PTPRN2: variants seen among roughly 807,000 people sequenced by gnomAD.
PTPRN2 encodes the protein protein tyrosine phosphatase receptor type N2, also known as receptor-type tyrosine-protein phosphatase N2.
A neutral mutation model predicts 118.8 loss-of-function variants in PTPRN2; 74 were observed. The ratio of observed to expected loss-of-function variants is 0.62; its 90% CI spans 0.52 to 0.76. PTPRN2 has a LOEUF of 0.76. PTPRN2 is among the 30% of genes least tolerant of loss of function. The pLI is 0.00. For synonymous variants in PTPRN2, 641 were observed against 608.0 expected (o/e 1.05, Z -0.80); for missense variants, 1,481 against 1,394.4 (o/e 1.06, Z -0.99).
intron 12 of PTPRN2, among the ~76,000 whole-genome samples, chr7:157,896,568 C>T (rs548145135): frequency 3.0e-5 from 4 of 134,630 alleles, no homozygotes; most frequent in East Asian, 2.3e-4. Flanking sequence ...CCCATGCTCA[C>T]GTGTGCGTGG....
At chr7:158,235,179 A>G (rs539389131) in intron 3 of PTPRN2, among the ~76,000 whole-genome samples, 2 of 152,354 alleles carry the variant, frequency 1.3e-5, no homozygotes, top group East Asian at 3.9e-4. Context: ...AGAGAATAGT[A>G]TGGAGGTTGC....
At position 158,517,167 on chromosome 7, in the gene PTPRN2, T is replaced by A. The variant is rs376124443; in HGVS notation, c.113-27382A>T. ...CAACGCTGGTTCCACAGTGTGGTCC[T>A]CACTGAAGACAGGGCGGGTGGCATT... On this transcript the variant is annotated intron_variant, in intron 1 of 22. Coordinates refer to ENST00000389418, the MANE Select transcript of PTPRN2 (RefSeq NM_002847.5). The surrounding 1 kb of genome is among the most constrained non-coding windows in gnomAD (Gnocchi z 5.3). Among the ~76,000 whole-genome samples the A allele has an allele frequency of 6.6e-6, 1 of 152,226 alleles. No homozygotes were observed. The highest frequency in any genetic ancestry group is 1.9e-4 in the East Asian group (1 of 5,194).
rs772582448 is a variant in PTPRN2 at position 158,138,466 on chromosome 7, C to T, written c.960G>A (p.Glu320=). The change falls in exon 7 of 23, where the codon GAG becomes GAA. Residue 320 remains glutamate, a synonymous_variant. Coordinates refer to ENST00000389418, the MANE Select transcript of PTPRN2 (RefSeq NM_002847.5). ...GCTCCAGGCCACTCAGGCCCCTCAC[C>T]TCAGCCGGCTGCCTCTGCAGGTCCT... ...LLKDLQRQPA[E]VRGLSGLELD... 9.3e-6 allele frequency: 15 copies of T among 1,613,030 alleles called. No homozygotes were observed. The South Asian group carries it at 1.4e-4, about 15-fold the overall frequency.
intron 3 of PTPRN2, among the ~76,000 whole-genome samples, chr7:158,313,913 A>C (rs1033246070): frequency 6.6e-6 from 1 of 151,968 alleles, no homozygotes; most frequent in African/African-American, 2.4e-5. Context: ...CTCCTTTTGA[A>C]ACTCACCTTA....
chr7:158,515,173 CTCTCAG>C (rs1823449109), intron 1 of PTPRN2, among the ~76,000 whole-genome samples: 1 of 151,420 alleles, frequency 6.6e-6, no homozygotes, highest in Non-Finnish European at 1.5e-5. Context: ...TGGTGTTTCC[CTCTCAG>C]TGAGTGTATT....
At chr7:158,017,426 G>C (rs1286895711) in intron 11 of PTPRN2, among the ~76,000 whole-genome samples, 1 of 150,910 alleles carries the variant, frequency 6.6e-6, no homozygotes, top group African/African-American at 2.4e-5. Flanking sequence ...CTCCATCCCA[G>C]TGCTTGGGGG....
Position 158,565,782 on chromosome 7 carries a change from A to C in PTPRN2, c.112+21776T>G, listed in dbSNP as rs1477129161. Reference sequence around the variant, plus strand: ...TGTTCCCGTAGTTACCCGCACGTCTAGAGACTGTCCCACATCTCCAAACAC... The same window carrying C: ...TGTTCCCGTAGTTACCCGCACGTCTCGAGACTGTCCCACATCTCCAAACAC... On this transcript the variant is annotated intron_variant, in intron 1 of 22. Transcript: ENST00000389418. This position sits in a 1 kb window ranked among gnomAD's most constrained non-coding sequence, Gnocchi z 4.6. 6.6e-6 allele frequency among the ~76,000 whole-genome samples: 1 copy of C among 152,188 alleles called. No homozygotes were observed. The highest frequency in any genetic ancestry group is 2.4e-5 in the African/African-American group (1 of 41,424).
At chr7:158,116,032 G>A (rs879576598) in intron 9 of PTPRN2, among the ~76,000 whole-genome samples, 15 of 152,250 alleles carry the variant, frequency 9.9e-5, no homozygotes, top group Middle Eastern at 3.4e-3. Context: ...TGCATGGAGC[G>A]GTGAAGTAAG....
chr7:158,006,864 G>A (rs1032177155), intron 11 of PTPRN2, among the ~76,000 whole-genome samples: 3 of 152,156 alleles, frequency 2.0e-5, no homozygotes, highest in Admixed American at 1.3e-4. Flanking sequence ...TCCATCATGC[G>A]GTCATGACAT....
intron 2 of PTPRN2, among the ~76,000 whole-genome samples, chr7:158,400,600 G>C (rs1812861549): frequency 6.6e-6 from 1 of 152,138 alleles, no homozygotes; most frequent in African/African-American, 2.4e-5. Flanking sequence ...TGTCATCTCA[G>C]CTACGATTCT....
At chr7:157,879,736 G>A (rs1796008316) in intron 12 of PTPRN2, among the ~76,000 whole-genome samples, 1 of 151,684 alleles carries the variant, frequency 6.6e-6, no homozygotes, top group South Asian at 2.1e-4. Context: ...CTGATAGAGT[G>A]GCCACCTCAC....
intron 3 of PTPRN2, among the ~76,000 whole-genome samples, chr7:158,244,221 G>A (rs536097255): frequency 7.0e-6 from 1 of 142,728 alleles, no homozygotes; most frequent in South Asian, 2.4e-4. Flanking sequence ...CTTCCAGCTA[G>A]CTCCTGCTTC....
At chr7:158,102,897 G>T (rs530403097) in intron 10 of PTPRN2, among the ~76,000 whole-genome samples, 1 of 152,176 alleles carries the variant, frequency 6.6e-6, no homozygotes, top group African/African-American at 2.4e-5. Context: ...CTGCAGACCC[G>T]GGAGGACACA....
At chr7:158,171,286 TATAC>T (rs1465030710) in intron 5 of PTPRN2, among the ~76,000 whole-genome samples, 3 of 75,348 alleles carry the variant, frequency 4.0e-5, no homozygotes, top group African/African-American at 2.4e-4. Context: ...CACACATATA[TATAC>T]ACACATATAT....
chr7:158,353,347 A>C (rs1443850895), intron 2 of PTPRN2, among the ~76,000 whole-genome samples: 1 of 152,268 alleles, frequency 6.6e-6, no homozygotes, highest in Non-Finnish European at 1.5e-5. Flanking sequence ...CATGTAAACA[A>C]GTCCTAAAAC....
chr7:158,262,825 AC>A (rs1797573496), intron 3 of PTPRN2, among the ~76,000 whole-genome samples: 1 of 148,018 alleles, frequency 6.8e-6, no homozygotes, highest in African/African-American at 2.5e-5. Context: ...CACACTGCAC[AC>A]ATTCACACAC....
At chr7:157,646,331 A>C (rs566205869) in intron 14 of PTPRN2, among the ~76,000 whole-genome samples, 2 of 152,102 alleles carry the variant, frequency 1.3e-5, no homozygotes, top group African/African-American at 4.8e-5. Flanking sequence ...GGTGTTGTTA[A>C]AAGTGTGCGG....
At chr7:158,362,225 G>A (rs967296258) in intron 2 of PTPRN2, among the ~76,000 whole-genome samples, 15 of 152,304 alleles carry the variant, frequency 9.8e-5, no homozygotes, top group South Asian at 2.1e-4. Flanking sequence ...GGAGGAGGCA[G>A]AAGAGGCCGC....
chr7:158,360,077 TCCACCCTCACCCAGGATGAC>T (rs1808754697), intron 2 of PTPRN2, among the ~76,000 whole-genome samples: 1 of 134,630 alleles, frequency 7.4e-6, no homozygotes, highest in Admixed American at 7.4e-5. Flanking sequence ...AGACCCCACA[TCCACCCTCACCCAGGATGAC>T]GCACAGACCC....
Sources: gnomAD v4.1 joint callset for allele counts (sites outside exome capture counted in the v4.1 genomes callset) on GRCh38, gnomAD v4.1.1 for gene constraint, Gnocchi (gnomAD v3.1) non-coding constraint, MANE v1.5 for transcripts, NCBI Gene and HGNC (gene_info 2026-07-23, HGNC 2026-07-21) for gene names.